Variants in BHMT observed in about 807,000 individuals in gnomAD.
The protein encoded by BHMT is betaine--homocysteine S-methyltransferase.
In BHMT, 38 loss-of-function variants were observed where a neutral mutation model predicts 49.5. The ratio of observed to expected loss-of-function variants is 0.77; its 90% confidence interval spans 0.59 to 1.01. BHMT has a LOEUF of 1.01. Among genes scored for constraint, BHMT ranks in the 50% least tolerant of loss-of-function variants. BHMT has a pLI of 0.00. For synonymous variants in BHMT, 166 were observed against 176.3 expected (o/e 0.94, Z 0.46); for missense variants, 426 against 495.7 (o/e 0.86, Z 1.34).
intron 2 of BHMT, among the ~76,000 whole-genome samples, chr5:79,117,827 T>C (rs1580269494): frequency 1.3e-5 from 2 of 152,240 alleles, no homozygotes; most frequent in African/African-American, 4.8e-5. Flanking sequence ...ATTTCTTACT[T>C]TGCCCAGTTA....
chr5:79,123,413 CACTCAT>C (rs1756501863), intron 5 of BHMT, among the ~76,000 whole-genome samples: 2 of 152,226 alleles, frequency 1.3e-5, no homozygotes, highest in Non-Finnish European at 2.9e-5. Context: ...GGTCACTCAT[CACTCAT>C]GCTGCATCCA....
intron 5 of BHMT, among the ~76,000 whole-genome samples, chr5:79,124,475 A>G (rs75914286): frequency 4.8e-5 from 7 of 147,184 alleles, no homozygotes; most frequent in Non-Finnish European, 9.0e-5. Context: ...AAAAAAAAAA[A>G]GGAAAGAAAA....
Position 79,130,986 on chromosome 5 carries a change from A to G in BHMT, c.1091A>G (p.Asn364Ser), listed in dbSNP as rs759974407. ...CGGATAGCCTCAGGCCGGCCATACA[A>G]CCCTTCAATGTCAAAGCCAGATGGC... is the stretch of plus-strand genomic sequence containing the variant. ...NLRIASGRPY[N>S]PSMSKPDGWG... Residue 364 changes from asparagine (N) to serine (S), a missense_variant, in exon 8 of 8, where the codon AAC becomes AGC. Asn to Ser is a conservative substitution (Grantham distance 46, BLOSUM62 1). This residue lies in a region of BHMT where 73 missense variants were observed against 68.3 expected (regional missense o/e 1.07). Coordinates refer to ENST00000274353, the MANE Select transcript of BHMT (RefSeq NM_001713.3). 1.2e-6 allele frequency: 2 copies of G among 1,613,966 alleles called. No homozygotes were observed. Among genetic ancestry groups the G allele is most frequent in the Non-Finnish European group, 1.7e-6 (2 of 1,179,978 alleles).
intron 1 of BHMT, among the ~76,000 whole-genome samples, chr5:79,114,323 T>C (rs1756352250): frequency 6.6e-6 from 1 of 152,134 alleles, no homozygotes; most frequent in African/African-American, 2.4e-5. Context: ...TGTTTTGATC[T>C]GAAAGGTATA....
intron 3 of BHMT, chr5:79,119,605 T>A: frequency 5.3e-6 from 2 of 375,382 alleles, no homozygotes; most frequent in Non-Finnish European, 9.6e-6. Flanking sequence ...TAATGATTAA[T>A]GATTCTCCCA....
chr5:79,131,073 A>T lies in BHMT; in HGVS notation c.1178A>T (p.Gln393Leu), dbSNP rs1194098929. ...CAGAAAGAAGCCACAACTGAGCAGC[A>T]GCTGAAAGAGCTCTTTGAAAAACAA... ...MQQKEATTEQQLKELFEKQKF... is the reference protein window; with the variant it reads ...MQQKEATTEQLLKELFEKQKF... The change falls in exon 8 of 8, where the codon CAG (glutamine) becomes CTG (leucine). Residue 393 changes from glutamine (Q) to leucine (L), a missense_variant. Physicochemically the swap from Gln to Leu is moderately radical, Grantham distance 113. This residue lies in a region of BHMT where 73 missense variants were observed against 68.3 expected (regional missense o/e 1.07). Coordinates refer to ENST00000274353, the MANE Select transcript of BHMT (RefSeq NM_001713.3). The T allele has an allele frequency of 1.5e-5, 25 of 1,613,042 alleles. No individual in the cohort carries two copies. The highest frequency in any genetic ancestry group is 2.0e-5 in the Non-Finnish European group (24 of 1,179,670).
intron 7 of BHMT, among the ~76,000 whole-genome samples, chr5:79,128,914 T>C (rs1227139509): frequency 2.6e-5 from 4 of 152,206 alleles, no homozygotes; most frequent in Admixed American, 6.5e-5. Flanking sequence ...GCCAATGTAT[T>C]ATACTGTGGT....
chr5:79,127,173 C>G (rs771669311), intron 6 of BHMT, among the ~76,000 whole-genome samples: 1 of 152,068 alleles, frequency 6.6e-6, no homozygotes, highest in Non-Finnish European at 1.5e-5. Flanking sequence ...GGTTGGAGTC[C>G]GGATATTTGC....
rs535687293 is a variant in BHMT at position 79,126,206 on chromosome 5, C to T, written c.786C>T (p.Ile262=). 1.9e-5 allele frequency: 30 copies of T among 1,613,508 alleles called. No homozygotes were observed. Among genetic ancestry groups the T allele is most frequent in the East Asian group, 6.7e-5 (3 of 44,886 alleles). The stretch of plus-strand genomic sequence containing the variant: ...CTGACTGCAACAAGCAGGGATTCAT[C>T]GATCTCCCAGAATTCCCATTTGGTA... The part of the protein sequence containing the change: ...HTPDCNKQGF[I]DLPEFPFGLE... Residue 262 remains isoleucine, a synonymous_variant, in exon 6 of 8, where the codon ATC becomes ATT. Coordinates refer to ENST00000274353, the MANE Select transcript of BHMT (RefSeq NM_001713.3).
intron 1 of BHMT, among the ~76,000 whole-genome samples, chr5:79,113,776 C>T (rs1224575587): frequency 6.6e-6 from 1 of 151,986 alleles, no homozygotes; most frequent in African/African-American, 2.4e-5. Flanking sequence ...ACAGAAAATC[C>T]TGAAGTCTAG....
intron 4 of BHMT, 51 bp from the exon 5 acceptor site, chr5:79,121,164 AAAT>A: frequency 6.3e-7 from 1 of 1,583,278 alleles, no homozygotes; most frequent in South Asian, 1.1e-5. Context: ...AAAAAAAAAA[AAAT>A]TGTTTTGGGA....
chr5:79,118,080 C>G (rs917876241), intron 2 of BHMT, among the ~76,000 whole-genome samples: 1 of 152,210 alleles, frequency 6.6e-6, no homozygotes, highest in African/African-American at 2.4e-5. Context: ...TGGGCAACCA[C>G]AGCTTAGGAC....
intron 5 of BHMT, among the ~76,000 whole-genome samples, chr5:79,122,250 T>C (rs1425696088): frequency 6.6e-6 from 1 of 152,130 alleles, no homozygotes; most frequent in East Asian, 1.9e-4. Context: ...CTTAGGCAGA[T>C]ATCTTTACTG....
At position 79,111,828 on chromosome 5, in the gene BHMT, G is replaced by T. The variant is rs1160932427; in HGVS notation, c.-58G>T. On this transcript the variant is annotated 5_prime_UTR_variant, in exon 1 of 8. Coordinates refer to ENST00000274353, the MANE Select transcript of BHMT (RefSeq NM_001713.3). Reference sequence around the variant, plus strand: ...CGGAGCAGCTCGGGGCTGCGCAGCGGGAAGGCTCGCCTAGTCGGTCCGCAT... The same window carrying T: ...CGGAGCAGCTCGGGGCTGCGCAGCGTGAAGGCTCGCCTAGTCGGTCCGCAT... The T allele has an allele frequency of 1.2e-6, 2 of 1,606,082 alleles. No homozygotes were observed. The highest frequency in any genetic ancestry group is 2.7e-5 in the African/African-American group (2 of 74,776).
intron 7 of BHMT, among the ~76,000 whole-genome samples, chr5:79,129,562 C>G (rs1756605759): frequency 6.6e-6 from 1 of 152,118 alleles, no homozygotes; most frequent in Non-Finnish European, 1.5e-5. Context: ...CAAAGAGGAG[C>G]CTGGGTGGTC....
Position 79,126,296 on chromosome 5 carries a change from T to C in BHMT, c.808+68T>C, listed in dbSNP as rs57846065. The C allele has an allele frequency of 1.6e-4, 242 of 1,535,704 alleles. No individual in the cohort carries two copies. The African/African-American group carries it at 3.0e-3, about 19-fold the overall frequency. ...ATATGCATATAAACTCAAGTAAATC[T>C]ATACCCAGAGATCTTTTGTCATAGT... On this transcript the variant is annotated intron_variant, in intron 6 of 7. Coordinates refer to ENST00000274353, the MANE Select transcript of BHMT (RefSeq NM_001713.3).
intron 5 of BHMT, among the ~76,000 whole-genome samples, chr5:79,124,886 C>T (rs773719504): frequency 1.2e-4 from 19 of 152,162 alleles, no homozygotes; most frequent in South Asian, 6.2e-4. Flanking sequence ...AACTATTAAT[C>T]CTAGACACAA....
intron 7 of BHMT, 67 bp downstream of exon 7, chr5:79,128,050 AGACT>A: frequency 1.3e-6 from 2 of 1,515,708 alleles, no homozygotes; most frequent in Non-Finnish European, 1.8e-6. Flanking sequence ...GCCATTTAGA[AGACT>A]GCAGCAAATT....
intron 5 of BHMT, among the ~76,000 whole-genome samples, chr5:79,125,089 A>G (rs187197646): frequency 5.9e-5 from 9 of 152,328 alleles, no homozygotes; most frequent in Non-Finnish European, 1.0e-4. Context: ...TGTGCTTGCA[A>G]CATAATGTCC....
Sources: allele counts gnomAD v4.1 joint callset (sites outside exome capture counted in the v4.1 genomes callset), GRCh38; gene constraint gnomAD v4.1.1; regional missense constraint gnomAD v4.1.1; transcripts MANE v1.5; gene names NCBI Gene and HGNC (gene_info 2026-07-23, HGNC 2026-07-21).